The following CCDC73 variants were observed in gnomAD, a reference collection of about 807,000 sequenced individuals.
CCDC73 encodes the protein coiled-coil domain-containing protein 73.
A neutral mutation model predicts 116.5 loss-of-function variants in CCDC73; 95 were observed. The ratio of observed to expected loss-of-function variants is 0.82; its 90% CI spans 0.69 to 0.97. The LOEUF is 0.97. Ranked by LOEUF, CCDC73 falls within the 50% of genes least tolerant of loss-of-function variation. The probability of loss-of-function intolerance (pLI) is 0.00; values close to 1 mark genes in which losing one functional copy is unlikely to be tolerated. For missense variants in CCDC73, 1,066 were observed against 1,206.8 expected, an observed-to-expected ratio of 0.88 and a Z score of 1.73; for synonymous variants, 398 against 401.3, an observed-to-expected ratio of 0.99 and a Z score of 0.10.
At chr11:32,794,852 T>C (rs1850709662), upstream of CCDC73, among the ~76,000 whole-genome samples, 1 of 145,096 alleles carries the variant, frequency 6.9e-6, no homozygotes, top group Non-Finnish European at 1.5e-5. Flanking sequence ...TTGTTTTTGT[T>C]TGTTTTCGGT....
chr11:32,772,689 T>C (rs938006323), intron 1 of CCDC73, among the ~76,000 whole-genome samples: 3 of 152,312 alleles, frequency 2.0e-5, no homozygotes, highest in East Asian at 3.9e-4. Context: ...ATATAGCAGA[T>C]TTTTAATAAC....
At chr11:32,688,647 T>TA (rs1204213052) in intron 6 of CCDC73, among the ~76,000 whole-genome samples, 1 of 152,204 alleles carries the variant, frequency 6.6e-6, no homozygotes, top group Non-Finnish European at 1.5e-5. Flanking sequence ...AATGAGATGA[T>TA]AGAGCATCAG....
At chr11:32,780,069 T>C (rs1167763487) in intron 1 of CCDC73, among the ~76,000 whole-genome samples, 1 of 151,540 alleles carries the variant, frequency 6.6e-6, no homozygotes, top group Non-Finnish European at 1.5e-5. Flanking sequence ...AGGCCAGGAG[T>C]TCGAAACGAA....
the CCDC73 span, among the ~76,000 whole-genome samples, chr11:32,821,913 C>T: frequency 6.6e-6 from 1 of 152,170 alleles, no homozygotes; most frequent in East Asian, 1.9e-4. Flanking sequence ...GTACTAAGAA[C>T]ATTTTGAACT....
intron 9 of CCDC73, among the ~76,000 whole-genome samples, chr11:32,656,960 AT>A (rs1403442331): frequency 1.3e-5 from 2 of 152,190 alleles, no homozygotes; most frequent in African/African-American, 2.4e-5. Flanking sequence ...AAATAAAAAC[AT>A]TTTTTGTAGT....
intron 10 of CCDC73, among the ~76,000 whole-genome samples, 171 bp downstream of exon 10, chr11:32,654,673 C>T (rs987957329): frequency 6.6e-6 from 1 of 152,160 alleles, no homozygotes; most frequent in African/African-American, 2.4e-5. Context: ...CTAGCCAAAT[C>T]TTATTGTCCT....
intron 3 of CCDC73, among the ~76,000 whole-genome samples, chr11:32,703,766 CT>C (rs1462776020): frequency 7.9e-5 from 12 of 152,048 alleles, no homozygotes; most frequent in African/African-American, 2.9e-4. Context: ...GATTCCATTT[CT>C]TTTTTTCTCC....
In CCDC73 at chr11:32,699,430, T is replaced by C. The variant is rs531393632; in HGVS notation, c.316-105A>G. The C allele has an allele frequency of 2.0e-4, 246 of 1,227,490 alleles. No individual in the cohort carries two copies. The African/African-American group carries it at 3.7e-3, about 18-fold the overall frequency. The allele number at this position is 1,227,490 out of a possible 1,614,324, so 76.0% of individuals were successfully genotyped here. On this transcript the variant is annotated intron_variant, in intron 5 of 17. Coordinates refer to ENST00000335185, the MANE Select transcript of CCDC73 (RefSeq NM_001008391.4). ...CTTTAAGTAAAAAACTGTATTTCAA[T>C]ACTTTCTAATGTAAATAATAATACA...
intron 15 of CCDC73, 107 bp from the exon 16 acceptor site, chr11:32,615,049 T>G: frequency 3.2e-6 from 2 of 632,076 alleles, no homozygotes; most frequent in Non-Finnish European, 5.2e-6. Context: ...CCTTAAATAT[T>G]TTATGGGTCA....
At chr11:32,682,522 C>T (rs1434843006) in intron 7 of CCDC73, 1 of 151,840 alleles carries the variant, frequency 6.6e-6, no homozygotes, top group African/African-American at 2.4e-5. Flanking sequence ...TATGTAATGT[C>T]AGAAGGGGTG....
the CCDC73 span, among the ~76,000 whole-genome samples, chr11:32,807,094 A>G: frequency 6.6e-6 from 1 of 152,202 alleles, no homozygotes; most frequent in Admixed American, 6.5e-5. Flanking sequence ...ACGATTGGTC[A>G]GCTGTTTGAT....
chr11:32,771,470 C>T (rs577064598), intron 1 of CCDC73, among the ~76,000 whole-genome samples: 2 of 152,180 alleles, frequency 1.3e-5, no homozygotes, highest in Non-Finnish European at 2.9e-5. Context: ...CTAGTGACTG[C>T]TAAATGCCAC....
chr11:32,804,777 A>C, the CCDC73 span, among the ~76,000 whole-genome samples: 1 of 152,218 alleles, frequency 6.6e-6, no homozygotes, highest in African/African-American at 2.4e-5. Flanking sequence ...ACCTCAAAAC[A>C]AAGGTTTACT....
chr11:32,642,513 T>C (rs1855742252), intron 12 of CCDC73, among the ~76,000 whole-genome samples: 1 of 152,002 alleles, frequency 6.6e-6, no homozygotes. Flanking sequence ...CAATTTTAAT[T>C]TTAATTTCAA....
chr11:32,627,486 T>G (rs1427709764), intron 14 of CCDC73, among the ~76,000 whole-genome samples: 1 of 152,174 alleles, frequency 6.6e-6, no homozygotes, highest in Non-Finnish European at 1.5e-5. Context: ...ACCCAAAGGA[T>G]TATAAAGCAT....
intron 13 of CCDC73, among the ~76,000 whole-genome samples, chr11:32,637,225 C>T (rs1855690291): frequency 6.6e-6 from 1 of 151,820 alleles, no homozygotes; most frequent in African/African-American, 2.4e-5. Flanking sequence ...GTTGGCCAGG[C>T]TGGTCTCGAA....
intron 6 of CCDC73, among the ~76,000 whole-genome samples, chr11:32,694,382 G>A (rs1018179076): frequency 6.6e-6 from 1 of 152,072 alleles, no homozygotes; most frequent in African/African-American, 2.4e-5. Flanking sequence ...CCTCTTCCAG[G>A]AGAACTACAA....
At chr11:32,794,162 T>C (rs1413088967) in intron 1 of CCDC73, among the ~76,000 whole-genome samples, 1 of 152,146 alleles carries the variant, frequency 6.6e-6, no homozygotes, top group Non-Finnish European at 1.5e-5. Context: ...GATTCACCAA[T>C]AACAGTTCCA....
At chr11:32,797,599 G>A (rs1850735708), upstream of CCDC73, among the ~76,000 whole-genome samples, 1 of 152,152 alleles carries the variant, frequency 6.6e-6, no homozygotes, top group Admixed American at 6.5e-5. Context: ...CTTTATTGTA[G>A]TATTTATCAT....
Sources: gnomAD v4.1 joint callset for allele counts (sites outside exome capture counted in the v4.1 genomes callset) on GRCh38, gnomAD v4.1.1 for gene constraint, MANE v1.5 for transcripts, NCBI Gene and HGNC (gene_info 2026-07-23, HGNC 2026-07-21) for gene names.